Variants in DPP10 observed in about 807,000 individuals in gnomAD.
DPP10 encodes inactive dipeptidyl peptidase 10.
Under a neutral mutation model 120.9 loss-of-function variants are expected in DPP10, and 33 were observed. The observed-to-expected ratio is 0.27, with a 90% CI of 0.21 to 0.37. The LOEUF (loss-of-function observed/expected upper bound fraction) is 0.37, where lower values mean the gene tolerates loss of function less well. Ranked by LOEUF, DPP10 falls within the 10% of genes least tolerant of loss-of-function variation. The pLI is 1.00. For synonymous variants in DPP10, 337 were observed against 326.1 expected (o/e 1.03, Z -0.36); for missense variants, 816 against 942.8 (o/e 0.87, Z 1.76).
chr2:115,663,685 G>T (rs1442090052), intron 5 of DPP10, among the ~76,000 whole-genome samples: 1 of 152,088 alleles, frequency 6.6e-6, no homozygotes, highest in Non-Finnish European at 1.5e-5. Context: ...ATATGAAGAA[G>T]GCTTCTTATA....
At chr2:114,898,408 T>G (rs1301048027) in intron 1 of DPP10, among the ~76,000 whole-genome samples, 13 of 151,830 alleles carry the variant, frequency 8.6e-5, no homozygotes, top group Non-Finnish European at 1.5e-4. Flanking sequence ...AAATGATGAG[T>G]TAATGGGTGC....
intron 1 of DPP10, among the ~76,000 whole-genome samples, chr2:115,276,100 G>A (rs1041492326): frequency 1.3e-5 from 2 of 152,166 alleles, no homozygotes; most frequent in African/African-American, 4.8e-5. Context: ...GGATGGATAT[G>A]TGGAGAGAAC....
intron 1 of DPP10, among the ~76,000 whole-genome samples, chr2:115,127,439 C>T (rs2050134605): frequency 6.6e-6 from 1 of 152,150 alleles, no homozygotes. Flanking sequence ...CAGTTCAGCC[C>T]CAACCCCACC....
chr2:115,709,807 T>C (rs1057440148), intron 7 of DPP10, among the ~76,000 whole-genome samples: 1 of 151,080 alleles, frequency 6.6e-6, no homozygotes, highest in Non-Finnish European at 1.5e-5. Context: ...AAACTGCAAA[T>C]CTCTAACAGA....
intron 13 of DPP10, among the ~76,000 whole-genome samples, chr2:115,769,798 C>A (rs1681237507): frequency 6.6e-6 from 1 of 151,874 alleles, no homozygotes; most frequent in Admixed American, 6.6e-5. Flanking sequence ...AATTACTTTA[C>A]TTTATAAACT....
At chr2:114,646,803 T>G (rs911357527) in intron 1 of DPP10, among the ~76,000 whole-genome samples, 1 of 152,232 alleles carries the variant, frequency 6.6e-6, no homozygotes, top group Non-Finnish European at 1.5e-5. Context: ...GAAGCTGATT[T>G]CTTGGCCTTT....
chr2:115,018,282 A>G (rs946159152), intron 1 of DPP10, among the ~76,000 whole-genome samples: 1 of 152,174 alleles, frequency 6.6e-6, no homozygotes, highest in Non-Finnish European at 1.5e-5. Context: ...AGTTCAACCA[A>G]TGTGGAAGAC....
At chr2:114,866,409 A>G (rs1028076394) in intron 1 of DPP10, among the ~76,000 whole-genome samples, 2 of 152,184 alleles carry the variant, frequency 1.3e-5, no homozygotes, top group African/African-American at 4.8e-5. Flanking sequence ...ACTGGAATAC[A>G]TATAGTGAAA....
At chr2:115,631,920 A>T (rs1051121904) in intron 5 of DPP10, among the ~76,000 whole-genome samples, 4 of 152,206 alleles carry the variant, frequency 2.6e-5, no homozygotes, top group Admixed American at 6.5e-5. Context: ...GTAGGTATCT[A>T]TCAGGTACAC....
At chr2:115,791,714 G>C (rs1278800797) in intron 19 of DPP10, among the ~76,000 whole-genome samples, 1 of 152,136 alleles carries the variant, frequency 6.6e-6, no homozygotes, top group Non-Finnish European at 1.5e-5. Context: ...AATGGGTTAT[G>C]TTTGTATCAC....
intron 1 of DPP10, among the ~76,000 whole-genome samples, chr2:115,215,614 A>C (rs1460170466): frequency 1.3e-5 from 2 of 152,050 alleles, no homozygotes; most frequent in African/African-American, 2.4e-5. Context: ...AAAATTACAG[A>C]AGTGGGCAAA....
At position 114,645,934 on chromosome 2, in the gene DPP10, G is replaced by A. The variant is rs1696085587; in HGVS notation, c.60+203096G>A. Among the ~76,000 whole-genome samples, 4 of 152,090 alleles carry A rather than the reference G, an allele frequency of 2.6e-5. No individual in the cohort carries two copies. The South Asian group carries it at 8.3e-4, about 32-fold the overall frequency. On this transcript the variant is annotated intron_variant, in intron 1 of 25. Coordinates refer to ENST00000410059, the MANE Select transcript of DPP10 (RefSeq NM_020868.6). ...TCTCAGCACTTTGGGAGGCAAGGCA[G>A]GCGGATCATGAGGTCAGGAGTTTGA...
intron 1 of DPP10, among the ~76,000 whole-genome samples, chr2:114,861,020 C>A (rs780551159): frequency 2.6e-5 from 4 of 152,174 alleles, no homozygotes; most frequent in Non-Finnish European, 4.4e-5. Context: ...AAACCCAGGT[C>A]TCTTTTCATC....
chr2:114,759,862 G>C (rs1302431373), intron 1 of DPP10, among the ~76,000 whole-genome samples: 1 of 151,986 alleles, frequency 6.6e-6, no homozygotes, highest in Non-Finnish European at 1.5e-5. Flanking sequence ...AGGCCAAATA[G>C]CAAGTAAGAG....
intron 1 of DPP10, among the ~76,000 whole-genome samples, chr2:115,231,295 C>G (rs371504548): frequency 2.2e-4 from 33 of 152,002 alleles, no homozygotes; most frequent in African/African-American, 8.0e-4. Context: ...TACTTTATTC[C>G]ATGATATATG....
intron 1 of DPP10, among the ~76,000 whole-genome samples, chr2:114,768,122 T>C (rs1574142195): frequency 7.5e-6 from 1 of 134,178 alleles, no homozygotes; most frequent in African/African-American, 2.9e-5. Context: ...AACAAGGCTC[T>C]GTCTCAAAAA....
At chr2:114,914,387 G>A (rs1289779016) in intron 1 of DPP10, among the ~76,000 whole-genome samples, 1 of 152,188 alleles carries the variant, frequency 6.6e-6, no homozygotes, top group Non-Finnish European at 1.5e-5. Context: ...GAAACTAGAA[G>A]AGTAATGCCT....
intron 1 of DPP10, among the ~76,000 whole-genome samples, chr2:114,609,748 T>C (rs1046934659): frequency 1.3e-5 from 2 of 152,154 alleles, no homozygotes; most frequent in Non-Finnish European, 2.9e-5. Flanking sequence ...TTGAAAACTT[T>C]CAGAGAATGA....
chr2:114,625,994 C>CT (rs964355735), intron 1 of DPP10, among the ~76,000 whole-genome samples: 26 of 144,502 alleles, frequency 1.8e-4, no homozygotes, highest in South Asian at 4.4e-4. Context: ...GCAGAGGATA[C>CT]TTTTTTTTTT....
Sources: gnomAD v4.1 joint callset for allele counts (sites outside exome capture counted in the v4.1 genomes callset) on GRCh38, gnomAD v4.1.1 for gene constraint, MANE v1.5 for transcripts, NCBI Gene and HGNC (gene_info 2026-07-23, HGNC 2026-07-21) for gene names.